TNFRSF19: variants seen among roughly 807,000 people sequenced by gnomAD.
TNFRSF19 encodes tumor necrosis factor receptor superfamily member 19.
In TNFRSF19, 27 loss-of-function variants were observed where a neutral mutation model predicts 46.4. That is an observed-to-expected ratio of 0.58 (90% CI 0.43 to 0.80). The LOEUF (loss-of-function observed/expected upper bound fraction) is 0.80, where lower values mean the gene tolerates loss of function less well. TNFRSF19 is among the 30% of genes least tolerant of loss of function. TNFRSF19 has a pLI of 0.00. For missense variants in TNFRSF19, 511 were observed against 530.8 expected (o/e 0.96, Z 0.37); for synonymous variants, 204 against 205.0 (o/e 1.00, Z 0.04).
rs1165526433 is a variant in TNFRSF19, at chr13:23,673,607, A to C, written c.*227A>C. ...AGAAAAGACTCCAGGCCGACTCATG[A>C]TACTCTGCATCTTTCCTACATGAGA... On this transcript the variant is annotated 3_prime_UTR_variant, in exon 10 of 10. Transcript: ENST00000248484. The C allele has an allele frequency of 2.5e-6, 3 of 1,202,434 alleles. No individual in the cohort carries two copies. Among genetic ancestry groups the C allele is most frequent in the African/African-American group, 1.6e-5 (1 of 63,854 alleles). The allele number at this position is 1,202,434 out of a possible 1,614,324, so 74.5% of individuals were successfully genotyped here. A position where few individuals can be genotyped will look rare whatever the true frequency, so the allele number is the denominator to read the frequency against.
At position 23,628,780 on chromosome 13, in the gene TNFRSF19, T is replaced by C. The variant is rs576100163; in HGVS notation, c.445+1988T>C. Among the ~76,000 whole-genome samples, 5 of 152,258 alleles carry C rather than the reference T, an allele frequency of 3.3e-5. No individual in the cohort carries two copies. The East Asian group carries it at 5.8e-4, about 18-fold the overall frequency. ...GAAAATTAACCAGTATATATATATA[T>C]ACATATATATGTGTGTGTATATGTT... On this transcript the variant is annotated intron_variant, in intron 5 of 9. Coordinates refer to ENST00000248484, the MANE Select transcript of TNFRSF19 (RefSeq NM_148957.4).
chr13:23,647,310 C>A (rs1288280288), intron 5 of TNFRSF19, among the ~76,000 whole-genome samples: 2 of 152,088 alleles, frequency 1.3e-5, no homozygotes, highest in Non-Finnish European at 2.9e-5. Flanking sequence ...CTATTGTTTT[C>A]TTCTGTTTTC....
At chr13:23,572,946 T>C (rs1877722446) in intron 1 of TNFRSF19, among the ~76,000 whole-genome samples, 1 of 152,212 alleles carries the variant, frequency 6.6e-6, no homozygotes, top group Non-Finnish European at 1.5e-5. Context: ...TTATGTTGAG[T>C]CCTGATACTG....
At chr13:23,629,288 C>T (rs1163495984) in intron 5 of TNFRSF19, among the ~76,000 whole-genome samples, 1 of 152,198 alleles carries the variant, frequency 6.6e-6, no homozygotes, top group Non-Finnish European at 1.5e-5. Context: ...GTAGCCCTCC[C>T]TGGGGGTCCC....
At chr13:23,580,868 A>G (rs1878360490) in intron 1 of TNFRSF19, among the ~76,000 whole-genome samples, 1 of 152,264 alleles carries the variant, frequency 6.6e-6, no homozygotes, top group African/African-American at 2.4e-5. Context: ...TTTTTAATCT[A>G]TGAAAATGTC....
rs542896625 is a variant in TNFRSF19, at chr13:23,586,566, CCT to C, written c.-34-3583_-34-3582del. Among the ~76,000 whole-genome samples, 39 of 152,324 alleles carry C rather than the reference CCT, an allele frequency of 2.6e-4. No individual in the cohort carries two copies. The South Asian group carries it at 6.8e-3, about 27-fold the overall frequency. ...AGCTGCCCTTCCCCGGCAGTGCTCC[CCT>C]GTCTCGGCGTGGTGACACGCTAGCA... On this transcript the variant is annotated intron_variant, in intron 1 of 9. Transcript: ENST00000248484.
intron 1 of TNFRSF19, among the ~76,000 whole-genome samples, chr13:23,580,728 A>C (rs1276607472): frequency 1.3e-5 from 2 of 152,396 alleles, no homozygotes; most frequent in Middle Eastern, 6.8e-3. Flanking sequence ...GTACTTAAAA[A>C]GAAAGCTTCT....
intron 3 of TNFRSF19, among the ~76,000 whole-genome samples, chr13:23,606,483 G>T (rs993303516): frequency 3.9e-5 from 6 of 152,148 alleles, no homozygotes; most frequent in Non-Finnish European, 7.3e-5. Flanking sequence ...CCACATGCCT[G>T]CCCTGAGCTG....
chr13:23,640,680 T>C (rs552708283), intron 5 of TNFRSF19, among the ~76,000 whole-genome samples: 1 of 152,224 alleles, frequency 6.6e-6, no homozygotes, highest in Non-Finnish European at 1.5e-5. Context: ...ACCAATCCAT[T>C]CTTTGAATGA....
chr13:23,668,909 C>T lies in TNFRSF19; in HGVS notation c.1057C>T (p.Gln353Ter). 1 of 1,614,252 alleles carries T rather than the reference C, an allele frequency of 6.2e-7. No individual in the cohort carries two copies. Among genetic ancestry groups the T allele is most frequent in the East Asian group, 2.2e-5 (1 of 44,890 alleles). ...AACGTCTTTGGATTCAAATAGCAGT[C>T]AAGATTTGGTTGGTGGGGCTGTTCC... ...SSTSLDSNSSQDLVGGAVPVQ... is the reference protein window; with the variant it reads ...SSTSLDSNSS The change falls in exon 9 of 10, where the codon CAA becomes TAA. Residue 353 changes from glutamine (Q) to a stop codon, truncating the protein, a stop_gained. Transcript: ENST00000248484. LOFTEE classifies it high-confidence loss of function.
At chr13:23,581,238 C>CG (rs1878407582) in intron 1 of TNFRSF19, among the ~76,000 whole-genome samples, 1 of 151,964 alleles carries the variant, frequency 6.6e-6, no homozygotes. Flanking sequence ...CTCCACTTCC[C>CG]GGGTTCACGC....
At chr13:23,670,273 C>T (rs2086371437) in intron 9 of TNFRSF19, among the ~76,000 whole-genome samples, 1 of 152,208 alleles carries the variant, frequency 6.6e-6, no homozygotes, top group Non-Finnish European at 1.5e-5. Flanking sequence ...CAGCTCACTG[C>T]AGCCTCGTCC....
intron 5 of TNFRSF19, among the ~76,000 whole-genome samples, chr13:23,650,919 C>CA (rs755225828): frequency 2.0e-5 from 3 of 152,158 alleles, no homozygotes; most frequent in Non-Finnish European, 2.9e-5. Context: ...TATCCAGTGT[C>CA]AGAGTGCTTG....
chr13:23,660,327 G>T (rs1311544386), intron 6 of TNFRSF19, 38 bp from the exon 7 acceptor site: 2 of 1,592,856 alleles, frequency 1.3e-6, no homozygotes, highest in East Asian at 4.6e-5. Flanking sequence ...CTAGAGAGGA[G>T]ACTGTGTTCC....
At chr13:23,594,258 T>C in intron 3 of TNFRSF19, 1 of 452,478 alleles carries the variant, frequency 2.2e-6, no homozygotes, top group South Asian at 1.6e-5. Context: ...GACAGAACCA[T>C]TCACTCCCCT....
At chr13:23,606,951 A>C (rs1880551624) in intron 3 of TNFRSF19, among the ~76,000 whole-genome samples, 7 of 152,322 alleles carry the variant, frequency 4.6e-5, no homozygotes, top group Admixed American at 2.0e-4. Flanking sequence ...CAGAGGAAAG[A>C]AAAATAAGTT....
At chr13:23,665,352 G>A (rs982278965) in intron 7 of TNFRSF19, among the ~76,000 whole-genome samples, 1 of 152,040 alleles carries the variant, frequency 6.6e-6, no homozygotes, top group African/African-American at 2.4e-5. Flanking sequence ...TATACAGATG[G>A]CCTTGTTGTG....
At chr13:23,587,496 G>T (rs1878928641) in intron 1 of TNFRSF19, among the ~76,000 whole-genome samples, 1 of 152,132 alleles carries the variant, frequency 6.6e-6, no homozygotes. Flanking sequence ...CTCCTTTCAG[G>T]CACCTAATGA....
rs1307678546 is a variant in TNFRSF19 at position 23,673,408 on chromosome 13, C to T, written c.*28C>T. Reference sequence around the variant, plus strand: ...AACCTGCTTCTTTCTGCAGTAGAAGCGTGTGCTGGAACCCAAAGAGTACTC... The same window carrying T: ...AACCTGCTTCTTTCTGCAGTAGAAGTGTGTGCTGGAACCCAAAGAGTACTC... On this transcript the variant is annotated 3_prime_UTR_variant, in exon 10 of 10. Coordinates refer to ENST00000248484, the MANE Select transcript of TNFRSF19 (RefSeq NM_148957.4). The T allele has an allele frequency of 1.6e-5, 25 of 1,598,974 alleles. 1 individual carries two copies. The highest frequency in any genetic ancestry group is 1.2e-4 in the Admixed American group (7 of 58,600).
Sources: gnomAD v4.1 joint callset for allele counts (sites outside exome capture counted in the v4.1 genomes callset) on GRCh38, gnomAD v4.1.1 for gene constraint, MANE v1.5 for transcripts, NCBI Gene and HGNC (gene_info 2026-07-23, HGNC 2026-07-21) for gene names.